CDH7: variants seen among roughly 807,000 people sequenced by gnomAD.
CDH7 encodes cadherin 7, also known as cadherin-7.
Under a neutral mutation model 71.8 loss-of-function variants are expected in CDH7, and 25 were observed. The ratio of observed to expected loss-of-function variants is 0.35; its 90% confidence interval spans 0.25 to 0.49. The LOEUF is 0.49. CDH7 is among the 20% of genes least tolerant of loss of function. The pLI is 0.99. For missense variants in CDH7, 862 were observed against 974.6 expected (o/e 0.88, Z 1.54); for synonymous variants, 381 against 363.8 (o/e 1.05, Z -0.54).
intron 1 of CDH7, among the ~76,000 whole-genome samples, chr18:65,752,738 A>G (rs1915919754): frequency 6.6e-6 from 1 of 152,202 alleles, no homozygotes; most frequent in African/African-American, 2.4e-5. Context: ...GGTAACATCC[A>G]ACGTCAATAG....
At chr18:65,866,362 G>A (rs1913761480) in intron 11 of CDH7, 7 of 107,988 alleles carry the variant, frequency 6.5e-5, no homozygotes, top group Non-Finnish European at 1.1e-4. Context: ...TGAAACTATA[G>A]AAGTACCTGG....
At chr18:65,825,220 T>G (rs1177952209) in intron 6 of CDH7, among the ~76,000 whole-genome samples, 1 of 151,882 alleles carries the variant, frequency 6.6e-6, no homozygotes, top group African/African-American at 2.4e-5. Flanking sequence ...TCTCCATAAA[T>G]GAAAATAATA....
chr18:65,768,222 G>GTT (rs552676667), intron 2 of CDH7, among the ~76,000 whole-genome samples: 68 of 82,014 alleles, frequency 8.3e-4, no homozygotes, highest in Admixed American at 1.5e-3. Flanking sequence ...ATGCGTTGTT[G>GTT]TTTTTTTTTT....
chr18:65,859,731 G>T lies in CDH7; in HGVS notation c.1518G>T (p.Val506=), dbSNP rs1187788802. Residue 506 remains valine, a synonymous_variant, in exon 10 of 12, where the codon GTG becomes GTT. Transcript: ENST00000397968. ...AGGTTATCCAGAAAATCAGTGCTGT[G>T]GATAAAGATGAGCCATCCAATGGAC... ...PGQVIQKISA[V]DKDEPSNGHQ... 2 of 1,607,694 alleles carry T rather than the reference G, an allele frequency of 1.2e-6. No individual in the cohort carries two copies. The highest frequency in any genetic ancestry group is 1.7e-6 in the Non-Finnish European group (2 of 1,174,402).
chr18:65,811,987 C>T (rs1401971421), intron 3 of CDH7, among the ~76,000 whole-genome samples: 13 of 3,962 alleles, frequency 3.3e-3, no homozygotes, highest in Non-Finnish European at 7.9e-3. Context: ...TTTTTTTTTG[C>T]GAGATGGAGT....
chr18:65,844,544 A>T (rs926680972), intron 7 of CDH7, among the ~76,000 whole-genome samples: 11 of 152,136 alleles, frequency 7.2e-5, no homozygotes, highest in Non-Finnish European at 1.0e-4. Flanking sequence ...TAATTTTTTT[A>T]AAAAAACTAG....
At chr18:65,773,035 G>A (rs1459869622) in intron 2 of CDH7, among the ~76,000 whole-genome samples, 1 of 151,996 alleles carries the variant, frequency 6.6e-6, no homozygotes, top group African/African-American at 2.4e-5. Flanking sequence ...TGGGTACATC[G>A]ATAAAGTCCA....
chr18:65,797,388 A>T lies in CDH7; in HGVS notation c.211-12316A>T, dbSNP rs188174939. ...TTTATGAAAATGTTTATCCTTAGGG[A>T]TTTAACAACTGCAGTCAAGATGGTT... On this transcript the variant is annotated intron_variant, in intron 2 of 11. Transcript: ENST00000397968. Among the ~76,000 whole-genome samples the T allele has an allele frequency of 2.6e-5, 4 of 151,912 alleles. No individual in the cohort carries two copies. The East Asian group carries it at 7.7e-4, about 29-fold the overall frequency.
intron 2 of CDH7, among the ~76,000 whole-genome samples, chr18:65,793,408 C>G (rs1910786464): frequency 6.8e-6 from 1 of 146,022 alleles, no homozygotes; most frequent in African/African-American, 2.6e-5. Context: ...GTAACAGCGA[C>G]ACCCAGTCTC....
At chr18:65,801,221 G>A (rs569738658) in intron 2 of CDH7, among the ~76,000 whole-genome samples, 2 of 152,214 alleles carry the variant, frequency 1.3e-5, no homozygotes, top group African/African-American at 2.4e-5. Context: ...TTTTTAATAG[G>A]TGATTAGTAT....
Position 65,889,248 on chromosome 18 carries a change from A to C in CDH7, c.*8354A>C, listed in dbSNP as rs1435198738. 6.6e-6 allele frequency: 1 copy of C among 152,148 alleles called. No homozygotes were observed. The highest frequency in any genetic ancestry group is 1.9e-4 in the East Asian group (1 of 5,194). 9.4% of individuals were successfully genotyped at this position (152,148 alleles called of 1,614,324 possible). On this transcript the variant is annotated 3_prime_UTR_variant, in exon 12 of 12. Transcript: ENST00000397968. ...ACAAGGGTAGGAGAAAAATCCCAAC[A>C]ACCCTTCCACCTTTTCCAAAAAGAA...
At chr18:65,864,718 C>A (rs1913698326) in intron 11 of CDH7, among the ~76,000 whole-genome samples, 1 of 150,814 alleles carries the variant, frequency 6.6e-6, no homozygotes, top group Non-Finnish European at 1.5e-5. Flanking sequence ...GAAACCCTGT[C>A]TCTACTAAAA....
At chr18:65,780,248 G>C (rs1214283744) in intron 2 of CDH7, among the ~76,000 whole-genome samples, 2 of 119,432 alleles carry the variant, frequency 1.7e-5, no homozygotes, top group Admixed American at 7.9e-5. Flanking sequence ...CTCCCATTCT[G>C]TAGGTTGCCT....
intron 2 of CDH7, among the ~76,000 whole-genome samples, chr18:65,767,089 C>G (rs1171370578): frequency 7.1e-6 from 1 of 139,960 alleles, no homozygotes; most frequent in Non-Finnish European, 1.5e-5. Context: ...ATCACTCTTT[C>G]TTTCTTTTTT....
At chr18:65,878,324 T>G (rs1274197790) in intron 11 of CDH7, among the ~76,000 whole-genome samples, 1 of 152,228 alleles carries the variant, frequency 6.6e-6, no homozygotes, top group Non-Finnish European at 1.5e-5. Context: ...GTTCTTTATC[T>G]CTTCAGTCCA....
Position 65,762,804 on chromosome 18 carries a change from G to GT in CDH7, c.-32dup. 10 of 1,573,206 alleles carry GT rather than the reference G, an allele frequency of 6.4e-6. No homozygotes were observed. The highest frequency in any genetic ancestry group is 8.6e-6 in the Non-Finnish European group (10 of 1,156,130). On this transcript the variant is annotated 5_prime_UTR_variant, in exon 2 of 12. Coordinates refer to ENST00000397968, the MANE Select transcript of CDH7 (RefSeq NM_004361.5). Reference sequence around the variant, plus strand: ...GAACTGTGCCTTTTCTCTTGTCAAGGTTTTTTTCTTACACAGGAAAAAGAA... The same window carrying GT: ...GAACTGTGCCTTTTCTCTTGTCAAGGTTTTTTTTCTTACACAGGAAAAAGAA...
At chr18:65,788,175 T>C (rs1910581589) in intron 2 of CDH7, among the ~76,000 whole-genome samples, 1 of 152,238 alleles carries the variant, frequency 6.6e-6, no homozygotes, top group South Asian at 2.1e-4. Context: ...TGTTCAGCTC[T>C]GGACACAGGA....
At chr18:65,792,567 G>A (rs1460955461) in intron 2 of CDH7, among the ~76,000 whole-genome samples, 2 of 152,058 alleles carry the variant, frequency 1.3e-5, no homozygotes, top group Non-Finnish European at 2.9e-5. Flanking sequence ...TATGTGTGTG[G>A]ATAATACTGT....
intron 11 of CDH7, among the ~76,000 whole-genome samples, chr18:65,873,605 A>G (rs1014802753): frequency 6.6e-6 from 1 of 152,216 alleles, no homozygotes; most frequent in African/African-American, 2.4e-5. Flanking sequence ...TTACACTTAG[A>G]GCATATCTCA....
Sources: gnomAD v4.1 joint callset for allele counts (sites outside exome capture counted in the v4.1 genomes callset) on GRCh38, gnomAD v4.1.1 for gene constraint, MANE v1.5 for transcripts, NCBI Gene and HGNC (gene_info 2026-07-23, HGNC 2026-07-21) for gene names.